GRAMD1B: variants seen among roughly 807,000 people sequenced by gnomAD.
The protein encoded by GRAMD1B is protein Aster-B.
In GRAMD1B, 37 loss-of-function variants were observed where a neutral mutation model predicts 99.7. That is an observed-to-expected ratio of 0.37 (90% CI 0.29 to 0.49). GRAMD1B has a LOEUF of 0.49. Among genes scored for constraint, GRAMD1B ranks in the 20% least tolerant of loss-of-function variants. GRAMD1B has a pLI of 0.98. For synonymous variants in GRAMD1B, 427 were observed against 387.6 expected, an observed-to-expected ratio of 1.10 and a Z score of -1.19; for missense variants, 888 against 1,009.2, an observed-to-expected ratio of 0.88 and a Z score of 1.63.
chr11:123,575,215 A>G (rs1369502940), intron 2 of GRAMD1B, among the ~76,000 whole-genome samples: 1 of 152,132 alleles, frequency 6.6e-6, no homozygotes, highest in Non-Finnish European at 1.5e-5. Flanking sequence ...GCTTGAAGCC[A>G]GTTAGCAGGG....
At chr11:123,414,045 T>C (rs1410103779) in intron 1 of GRAMD1B, among the ~76,000 whole-genome samples, 1 of 141,354 alleles carries the variant, frequency 7.1e-6, no homozygotes, top group Non-Finnish European at 1.5e-5. Context: ...ATCATCATCA[T>C]CATTTTTTTT....
rs141058081 is a variant in GRAMD1B at position 123,501,574 on chromosome 11, C to T, written c.452+20681C>T. ...GTGCAGAACCTGCTTTTTCTTGAAT[C>T]TCATGGATCTTTTTTTCTAACTTGC... On this transcript the variant is annotated intron_variant, in intron 2 of 19. Transcript: ENST00000635736. Among the ~76,000 whole-genome samples, 546 of 152,322 alleles carry T rather than the reference C, an allele frequency of 3.6e-3. 2 individuals carry two copies. Among genetic ancestry groups the T allele is most frequent in the Middle Eastern group, 6.8e-3 (2 of 294 alleles).
intron 1 of GRAMD1B, among the ~76,000 whole-genome samples, chr11:123,449,556 T>A (rs1949786456): frequency 6.6e-6 from 1 of 152,136 alleles, no homozygotes; most frequent in Admixed American, 6.5e-5. Context: ...GGGTTCTGAG[T>A]CTTTAGTAAG....
At chr11:123,569,101 G>C (rs563876114) in intron 2 of GRAMD1B, among the ~76,000 whole-genome samples, 2 of 140,666 alleles carry the variant, frequency 1.4e-5, no homozygotes, top group Admixed American at 1.5e-4. Context: ...TAACTCCTTG[G>C]TGGACAGTCG....
rs969160143 is a variant in GRAMD1B, at chr11:123,612,783, C to G, written c.1942C>G (p.Arg648Gly). The stretch of plus-strand genomic sequence containing the variant: ...CAGGGTCTCCACAGAGCTGCGCTAT[C>G]GAAAACAGCCCTGGGGGTTAGTGAA... ...RLRVSTELRYRKQPWGLVKTF... is the reference protein window; with the variant it reads ...RLRVSTELRYGKQPWGLVKTF... Residue 648 changes from arginine to glycine, a missense_variant, in exon 15 of 20, where the codon CGA (arginine) becomes GGA (glycine). Arg to Gly is a moderately radical substitution (Grantham distance 125). Around this residue, in one of 5 missense-constraint regions of GRAMD1B, gnomAD observed 92 missense variants for 156.9 expected, o/e 0.59. Coordinates refer to ENST00000635736, the MANE Select transcript of GRAMD1B (RefSeq NM_001387025.1). 1.2e-6 allele frequency: 2 copies of G among 1,609,000 alleles called. No homozygotes were observed. Among genetic ancestry groups the G allele is most frequent in the Non-Finnish European group, 1.7e-6 (2 of 1,176,584 alleles).
At chr11:123,391,591 G>A (rs1947282334) in intron 1 of GRAMD1B, among the ~76,000 whole-genome samples, 1 of 152,136 alleles carries the variant, frequency 6.6e-6, no homozygotes, top group Admixed American at 6.5e-5. Context: ...CAAGTAGCTG[G>A]GATTACAGGT....
intron 2 of GRAMD1B, among the ~76,000 whole-genome samples, chr11:123,566,993 C>T (rs1947466770): frequency 6.6e-6 from 1 of 152,128 alleles, no homozygotes; most frequent in Non-Finnish European, 1.5e-5. Flanking sequence ...AGAAACAGGG[C>T]CACGTGGTAA....
intron 2 of GRAMD1B, among the ~76,000 whole-genome samples, chr11:123,490,012 G>A (rs1008455492): frequency 6.6e-6 from 1 of 152,126 alleles, no homozygotes; most frequent in South Asian, 2.1e-4. Flanking sequence ...CCTCGTCTCT[G>A]CAAAAAATAG....
chr11:123,461,997 T>C lies in GRAMD1B; in HGVS notation c.375-18819T>C, dbSNP rs922984118. On this transcript the variant is annotated intron_variant, in intron 1 of 19. Coordinates refer to ENST00000635736, the MANE Select transcript of GRAMD1B (RefSeq NM_001387025.1). ...TTTTTTTTTTTTTGAAATGGGATCT[T>C]GCTCTGTCGCCCAGGCTGGAGTGCA... is the stretch of plus-strand genomic sequence containing the variant. Among the ~76,000 whole-genome samples the C allele has an allele frequency of 6.7e-5, 10 of 148,550 alleles. No homozygotes were observed. The East Asian group carries it at 2.0e-3, about 30-fold the overall frequency.
At chr11:123,385,871 G>C (rs192558944) in intron 1 of GRAMD1B, among the ~76,000 whole-genome samples, 233 of 152,178 alleles carry the variant, frequency 1.5e-3, no homozygotes, top group Non-Finnish European at 2.9e-3. Context: ...GTCTGTGTGT[G>C]TGTGTAATGA....
intron 1 of GRAMD1B, among the ~76,000 whole-genome samples, chr11:123,480,550 A>G (rs899590271): frequency 6.6e-6 from 1 of 152,118 alleles, no homozygotes; most frequent in African/African-American, 2.4e-5. Context: ...TAGCCAGGGA[A>G]GAGTGTGGTA....
intron 2 of GRAMD1B, among the ~76,000 whole-genome samples, chr11:123,558,594 C>A (rs904471470): frequency 1.3e-5 from 2 of 152,200 alleles, no homozygotes; most frequent in African/African-American, 2.4e-5. Context: ...ACAAGCAATG[C>A]AACTCAGTTT....
In GRAMD1B at chr11:123,622,441, T is replaced by C. The variant is rs2137175709; in HGVS notation, c.2545-65T>C. On this transcript the variant is annotated intron_variant, in intron 19 of 19. Transcript: ENST00000635736. ...CCCTAGGCGGGTGTGGGGAGAGGGC[T>C]GCTCGGTGGAGAATCCCACTAAAAG... 1.7e-5 allele frequency: 17 copies of C among 984,958 alleles called. No individual in the cohort carries two copies. The South Asian group carries it at 2.2e-4, about 13-fold the overall frequency. The allele number at this position is 984,958 out of a possible 1,614,324, so 61.0% of individuals were successfully genotyped here. A position where few individuals can be genotyped will look rare whatever the true frequency, so the allele number is the denominator to read the frequency against.
At chr11:123,398,254 T>G (rs998310036) in intron 1 of GRAMD1B, among the ~76,000 whole-genome samples, 2 of 152,212 alleles carry the variant, frequency 1.3e-5, no homozygotes, top group Non-Finnish European at 2.9e-5. Context: ...TTCTTACAGT[T>G]CTGGAGGCTG....
chr11:123,608,124 C>T (rs1261661446), intron 11 of GRAMD1B: 7 of 187,298 alleles, frequency 3.7e-5, no homozygotes, highest in Non-Finnish European at 6.6e-5. Flanking sequence ...TAGAAATAGG[C>T]TGTCTTATGG....
At chr11:123,550,792 G>T (rs1380268937) in intron 2 of GRAMD1B, among the ~76,000 whole-genome samples, 1 of 152,216 alleles carries the variant, frequency 6.6e-6, no homozygotes, top group Non-Finnish European at 1.5e-5. Flanking sequence ...AGAGTGGGTA[G>T]AGGAGTGTAA....
At chr11:123,488,141 G>T (rs1938090188) in intron 2 of GRAMD1B, among the ~76,000 whole-genome samples, 1 of 152,118 alleles carries the variant, frequency 6.6e-6, no homozygotes, top group Non-Finnish European at 1.5e-5. Context: ...GATCTCTTCA[G>T]CCCCCTTATA....
intron 2 of GRAMD1B, among the ~76,000 whole-genome samples, chr11:123,552,273 C>CTTTTTT (rs71060514): frequency 4.2e-5 from 5 of 119,358 alleles, no homozygotes; most frequent in East Asian, 2.4e-4. Flanking sequence ...CTCTTTCTTT[C>CTTTTTT]TTTTTTTTTT....
intron 1 of GRAMD1B, among the ~76,000 whole-genome samples, chr11:123,366,888 A>T (rs1165732416): frequency 6.6e-6 from 1 of 152,186 alleles, no homozygotes; most frequent in African/African-American, 2.4e-5. Context: ...ACTTTATATT[A>T]TTACAACAAA....
Sources: allele counts gnomAD v4.1 joint callset (sites outside exome capture counted in the v4.1 genomes callset), GRCh38; gene constraint gnomAD v4.1.1; regional missense constraint gnomAD v4.1.1; transcripts MANE v1.5; gene names NCBI Gene and HGNC (gene_info 2026-07-23, HGNC 2026-07-21).